The following CDH13 variants were observed in gnomAD, a reference collection of about 807,000 sequenced individuals.
The protein encoded by CDH13 is cadherin 13.
In CDH13, 24 loss-of-function variants were observed where a neutral mutation model predicts 63.8. The observed-to-expected ratio is 0.38, with a 90% CI of 0.27 to 0.53. The LOEUF (loss-of-function observed/expected upper bound fraction) is 0.53, where lower values mean the gene tolerates loss of function less well. Ranked by LOEUF, CDH13 falls within the 20% of genes least tolerant of loss-of-function variation. CDH13 has a pLI of 0.85. For missense variants in CDH13, 1,049 were observed against 903.1 expected (o/e 1.16, Z -2.07); for synonymous variants, 503 against 355.3 (o/e 1.42, Z -4.67).
At position 83,151,736 on chromosome 16, in the gene CDH13, G is replaced by A. The variant is rs189408040; in HGVS notation, c.483+26235G>A. Among the ~76,000 whole-genome samples, 12 of 152,234 alleles carry A rather than the reference G, an allele frequency of 7.9e-5. No individual in the cohort carries two copies. In the East Asian group the frequency reaches 9.6e-4, roughly 12 times the overall value. On this transcript the variant is annotated intron_variant, in intron 4 of 13. Transcript: ENST00000567109. ...TCCCAGCACTTTCTGAGGCAGAGGC[G>A]AGCAGATCACCTGAGGTCAGGAGTT...
At chr16:83,278,097 C>T (rs112107831) in intron 5 of CDH13, among the ~76,000 whole-genome samples, 3 of 152,232 alleles carry the variant, frequency 2.0e-5, no homozygotes, top group South Asian at 2.1e-4. Context: ...AGGAATCAGG[C>T]GCTAAGTATT....
At chr16:83,694,047 C>A (rs909572271) in intron 10 of CDH13, among the ~76,000 whole-genome samples, 1 of 152,176 alleles carries the variant, frequency 6.6e-6, no homozygotes, top group Non-Finnish European at 1.5e-5. Context: ...CAACAGAAAC[C>A]AGCATGGGCT....
At chr16:83,550,610 G>C (rs2075472704) in intron 7 of CDH13, among the ~76,000 whole-genome samples, 1 of 152,194 alleles carries the variant, frequency 6.6e-6, no homozygotes, top group South Asian at 2.1e-4. Flanking sequence ...GGGCACATGA[G>C]GAGGGGGAAA....
rs71148844 is a variant in CDH13 at position 83,572,175 on chromosome 16, G to GGTGTGTGTGTGTGT, written c.961-30257_961-30244dup. Among the ~76,000 whole-genome samples the GGTGTGTGTGTGTGT allele has an allele frequency of 4.9e-3, 713 of 145,668 alleles. 5 individuals are homozygous for GGTGTGTGTGTGTGT. The highest frequency in any genetic ancestry group is 0.011 in the East Asian group (53 of 4,844). On this transcript the variant is annotated intron_variant, in intron 7 of 13. Transcript: ENST00000567109. ...GGTATTTTTTATTCCACTTTCCTGT[G>GGTGTGTGTGTGTGT]GTGTGTGTGTGTGTGTGTGTGTGTG...
intron 6 of CDH13, among the ~76,000 whole-genome samples, chr16:83,367,497 C>G (rs1401131099): frequency 6.6e-6 from 1 of 152,050 alleles, no homozygotes; most frequent in African/African-American, 2.4e-5. Flanking sequence ...TCATCTTTTT[C>G]TTAAGTATAT....
intron 7 of CDH13, among the ~76,000 whole-genome samples, chr16:83,506,509 A>G (rs2074400009): frequency 6.6e-6 from 1 of 152,148 alleles, no homozygotes; most frequent in Non-Finnish European, 1.5e-5. Flanking sequence ...CCCTCGTTCC[A>G]ATGGCATCAG....
chr16:83,521,310 A>G (rs1389119226), intron 7 of CDH13, among the ~76,000 whole-genome samples: 1 of 152,154 alleles, frequency 6.6e-6, no homozygotes, highest in Non-Finnish European at 1.5e-5. Context: ...GAGGTCCTTC[A>G]AGAGAGAAGG....
In CDH13 at chr16:83,623,916, G is replaced by A. The variant is rs976893181; in HGVS notation, c.1101+21322G>A. Among the ~76,000 whole-genome samples, 6 of 152,260 alleles carry A rather than the reference G, an allele frequency of 3.9e-5. No individual in the cohort carries two copies. In the South Asian group the frequency reaches 1.0e-3, roughly 26 times the overall value. ...AAGGAAATTCACTTGTATTTTCTCC[G>A]GAGTCAAGGATCCCCTGTTTGCACT... is the stretch of plus-strand genomic sequence containing the variant. On this transcript the variant is annotated intron_variant, in intron 8 of 13. Coordinates refer to ENST00000567109, the MANE Select transcript of CDH13 (RefSeq NM_001257.5).
At chr16:83,282,176 G>A (rs959718342) in intron 5 of CDH13, among the ~76,000 whole-genome samples, 2 of 151,966 alleles carry the variant, frequency 1.3e-5, no homozygotes, top group East Asian at 3.9e-4. Context: ...TGTCTTCTGC[G>A]GACATGGCTC....
At chr16:83,005,498 C>T (rs1395430553) in intron 2 of CDH13, among the ~76,000 whole-genome samples, 2 of 152,198 alleles carry the variant, frequency 1.3e-5, no homozygotes, top group Non-Finnish European at 2.9e-5. Flanking sequence ...CCAACAACCT[C>T]AGGCCTTCAG....
intron 5 of CDH13, among the ~76,000 whole-genome samples, chr16:83,272,239 G>T (rs1017203818): frequency 1.3e-5 from 2 of 152,174 alleles, no homozygotes; most frequent in African/African-American, 2.4e-5. Context: ...AATTGTGCAA[G>T]TGCATGATCC....
Position 82,770,431 on chromosome 16 carries a change from T to C in CDH13, c.46-87931T>C, listed in dbSNP as rs796961180. On this transcript the variant is annotated intron_variant, in intron 1 of 13. Transcript: ENST00000567109. ...GGTTCTTGACCGTTTAGTTATTTAG[T>C]CTTTTTCCTTTATGCATACATTTTG... 3.3e-5 allele frequency among the ~76,000 whole-genome samples: 5 copies of C among 152,368 alleles called. No homozygotes were observed. The South Asian group carries it at 1.0e-3, about 32-fold the overall frequency.
intron 7 of CDH13, 145 bp downstream of exon 7, chr16:83,486,800 C>T (rs1193813003): frequency 1.1e-5 from 8 of 723,324 alleles, no homozygotes; most frequent in Non-Finnish European, 1.8e-5. Flanking sequence ...TGGGGAAAAT[C>T]TATAAAGGGA....
At chr16:83,170,196 A>T (rs911509585) in intron 4 of CDH13, among the ~76,000 whole-genome samples, 1 of 152,120 alleles carries the variant, frequency 6.6e-6, no homozygotes, top group African/African-American at 2.4e-5. Flanking sequence ...ACACATGACA[A>T]TAAACCCTTC....
intron 6 of CDH13, among the ~76,000 whole-genome samples, chr16:83,412,481 G>A (rs909302760): frequency 3.9e-5 from 6 of 152,060 alleles, no homozygotes; most frequent in Non-Finnish European, 8.8e-5. Flanking sequence ...AAATAAAAAT[G>A]AATAAATAAA....
chr16:83,335,788 C>G (rs1040661230), intron 5 of CDH13, among the ~76,000 whole-genome samples: 1 of 152,050 alleles, frequency 6.6e-6, no homozygotes, highest in South Asian at 2.1e-4. Context: ...AGTCACGTAC[C>G]CCCTGCTTGC....
chr16:83,137,163 G>A (rs1037077425), intron 4 of CDH13, among the ~76,000 whole-genome samples: 11 of 152,194 alleles, frequency 7.2e-5, no homozygotes, highest in African/African-American at 2.7e-4. Context: ...GTTGCAGCTG[G>A]TCTCATGCCC....
chr16:83,424,899 A>G (rs562976064), intron 6 of CDH13, among the ~76,000 whole-genome samples: 3 of 152,276 alleles, frequency 2.0e-5, no homozygotes, highest in South Asian at 2.1e-4. Flanking sequence ...AGATTTACAC[A>G]CAAGTAAGGA....
chr16:82,962,856 A>G (rs1907228928), intron 2 of CDH13, among the ~76,000 whole-genome samples: 1 of 152,224 alleles, frequency 6.6e-6, no homozygotes, highest in Non-Finnish European at 1.5e-5. Flanking sequence ...TAATAATTTC[A>G]TTTACTAATG....
Sources: allele counts gnomAD v4.1 joint callset (sites outside exome capture counted in the v4.1 genomes callset), GRCh38; gene constraint gnomAD v4.1.1; transcripts MANE v1.5; gene names NCBI Gene and HGNC (gene_info 2026-07-23, HGNC 2026-07-21).